Variants in SHF observed in about 807,000 individuals in gnomAD.
The protein encoded by SHF is Src homology 2 domain containing F.
A neutral mutation model predicts 42.4 loss-of-function variants in SHF; 30 were observed. The ratio of observed to expected loss-of-function variants is 0.71; its 90% confidence interval spans 0.53 to 0.96. SHF has a LOEUF of 0.96. Ranked by LOEUF, SHF falls within the 40% of genes least tolerant of loss-of-function variation. SHF has a pLI of 0.00. For missense variants in SHF, 598 were observed against 634.0 expected, an observed-to-expected ratio of 0.94 and a Z score of 0.61; for synonymous variants, 264 against 269.9, an observed-to-expected ratio of 0.98 and a Z score of 0.21.
chr15:45,177,852 C>A (rs141364666), intron 2 of SHF, among the ~76,000 whole-genome samples: 1 of 152,298 alleles, frequency 6.6e-6, no homozygotes, highest in East Asian at 1.9e-4. Flanking sequence ...ACTCATCCCC[C>A]CTCCCAAGGC....
intron 1 of SHF, among the ~76,000 whole-genome samples, chr15:45,182,366 T>C (rs1462583894): frequency 6.6e-6 from 1 of 152,240 alleles, no homozygotes; most frequent in East Asian, 1.9e-4. Context: ...AGAAAAAGGA[T>C]GGTAATAGTA....
chr15:45,171,691 C>G (rs1472013849), intron 6 of SHF, 192 bp downstream of exon 6: 3 of 629,442 alleles, frequency 4.8e-6, no homozygotes, highest in Non-Finnish European at 8.3e-6. Flanking sequence ...TGCTGCGGAT[C>G]AACTATTTCT....
chr15:45,177,028 C>G (rs1001061848), intron 2 of SHF, among the ~76,000 whole-genome samples: 1 of 152,160 alleles, frequency 6.6e-6, no homozygotes. Context: ...CTTGTGTTTC[C>G]AAGAGCTCCA....
chr15:45,171,728 G>C (rs1330086677), intron 6 of SHF, 155 bp downstream of exon 6: 1 of 731,536 alleles, frequency 1.4e-6, no homozygotes, highest in African/African-American at 1.8e-5. Context: ...CTCCTTGAGA[G>C]CAGGGGCTGA....
rs371638911 is a variant in SHF at position 45,197,690 on chromosome 15, T to C, written c.303+1082A>G. Among the ~76,000 whole-genome samples, 65 of 152,268 alleles carry C rather than the reference T, an allele frequency of 4.3e-4. No homozygotes were observed. In the East Asian group the frequency reaches 6.8e-3, roughly 16 times the overall value. On this transcript the variant is annotated intron_variant, in intron 2 of 7. Transcript: ENST00000290894. ...ATCTCCCCAGCCTGGAGTCAGGGCCTGGGTAAAAGAGGAACAGGACCAGAA... is the reference window on the plus strand; with the variant it reads ...ATCTCCCCAGCCTGGAGTCAGGGCCCGGGTAAAAGAGGAACAGGACCAGAA...
chr15:45,201,067 A>G lies in SHF; in HGVS notation c.-387T>C, dbSNP rs1455806004. On this transcript the variant is annotated 5_prime_UTR_variant, in exon 1 of 8. Transcript: ENST00000290894. ...GCGGGAGGAACCTGGTAGATAATGG[A>G]CGCTTAGGAAAGCTGGAATGGCCGC... The G allele has an allele frequency of 1.5e-5, 5 of 341,170 alleles. No individual in the cohort carries two copies. The Admixed American group carries it at 1.9e-4, about 13-fold the overall frequency. The allele number at this position is 341,170 out of a possible 1,614,324, so 21.1% of individuals were successfully genotyped here. A position where few individuals can be genotyped will look rare whatever the true frequency, so the allele number is the denominator to read the frequency against.
chr15:45,172,054 C>T (rs752533127), intron 5 of SHF, 52 bp from the exon 6 acceptor site: 1 of 1,613,870 alleles, frequency 6.2e-7, no homozygotes, highest in South Asian at 1.1e-5. Context: ...CCTCGCTGTC[C>T]AGGCCCACCC....
chr15:45,187,775 C>A lies in SHF; in HGVS notation c.177G>T (p.Gly59=). The A allele has an allele frequency of 2.3e-6, 2 of 862,292 alleles. No homozygotes were observed. Among genetic ancestry groups the A allele is most frequent in the Non-Finnish European group, 3.0e-6 (2 of 660,236 alleles). 53.4% of individuals were successfully genotyped at this position (862,292 alleles called of 1,614,324 possible). A position where few individuals can be genotyped will look rare whatever the true frequency, so the allele number is the denominator to read the frequency against. Residue 59 remains glycine (G), a synonymous_variant, in exon 1 of 7, where the codon GGG becomes GGT. Coordinates refer to ENST00000690270, the MANE Select transcript of SHF (RefSeq NM_001394037.1). ...TGCTGCCCCCTCCGCCGCCGCCCCC[C>A]CCGCGGAAGCCCAGGTGCTCCCGGA... ...KWLREHLGFR[G]GGGGGGGSKP...
chr15:45,182,398 G>A (rs1223965032), intron 1 of SHF, among the ~76,000 whole-genome samples: 1 of 152,238 alleles, frequency 6.6e-6, no homozygotes, highest in Admixed American at 6.5e-5. Flanking sequence ...GGGTTGGGAA[G>A]AGGAAAATGA....
intron 6 of SHF, among the ~76,000 whole-genome samples, chr15:45,169,036 A>C (rs1271757418): frequency 6.6e-6 from 1 of 152,174 alleles, no homozygotes; most frequent in Non-Finnish European, 1.5e-5. Context: ...AAGCACAGGC[A>C]AGGGGTGAGG....
chr15:45,191,206 A>G (rs1427318107), upstream of SHF, among the ~76,000 whole-genome samples: 1 of 152,108 alleles, frequency 6.6e-6, no homozygotes, highest in Non-Finnish European at 1.5e-5. Flanking sequence ...GATCCGCCTC[A>G]CCCAACTAAT....
At chr15:45,170,595 A>G (rs1327166342) in intron 6 of SHF, 1 of 395,262 alleles carries the variant, frequency 2.5e-6, no homozygotes, top group Non-Finnish European at 4.5e-6. Context: ...ATCCAAGAAT[A>G]GAACTCAGGT....
chr15:45,198,721 T>A, intron 2 of SHF: 1 of 1,564,752 alleles, frequency 6.4e-7, no homozygotes, highest in South Asian at 1.2e-5. Flanking sequence ...ATTATCCTCT[T>A]CAACAGTCAT....
exon 2 of SHF, chr15:45,199,019 T>G (rs766819582): frequency 3.1e-6 from 5 of 1,608,708 alleles, no homozygotes; most frequent in Non-Finnish European, 4.2e-6. Flanking sequence ...CCGCGAACCC[T>G]CCAGGGTTCC....
chr15:45,188,004 CG>C (rs1436059832), upstream of SHF: 4 of 103,574 alleles, frequency 3.9e-5, no homozygotes, highest in Non-Finnish European at 6.5e-5. Context: ...GGGGCGGGGG[CG>C]GGGGTGGGGA....
chr15:45,187,658 C>A lies in SHF; in HGVS notation c.294G>T (p.Arg98Ser). The change falls in exon 1 of 7, where the codon AGG becomes AGT. Residue 98 changes from arginine to serine, a missense_variant. Coordinates refer to ENST00000690270, the MANE Select transcript of SHF (RefSeq NM_001394037.1). Reference sequence around the variant, plus strand: ...CTTCGAAGTCGCGCTCCCGCTGCAGCCTGTAGGCGGCCAGGATGTCCGGGG... The same window carrying A: ...CTTCGAAGTCGCGCTCCCGCTGCAGACTGTAGGCGGCCAGGATGTCCGGGG... ...APPPDILAAY[R>S]LQRERDFEDP... 2.4e-6 allele frequency: 3 copies of A among 1,227,562 alleles called. No individual in the cohort carries two copies. The highest frequency in any genetic ancestry group is 3.0e-6 in the Non-Finnish European group (3 of 984,994). The allele number at this position is 1,227,562 out of a possible 1,614,324, so 76.0% of individuals were successfully genotyped here. A position where few individuals can be genotyped will look rare whatever the true frequency, so the allele number is the denominator to read the frequency against.
At chr15:45,198,017 C>T (rs1183887716) in intron 2 of SHF, among the ~76,000 whole-genome samples, 1 of 151,980 alleles carries the variant, frequency 6.6e-6, no homozygotes, top group Non-Finnish European at 1.5e-5. Context: ...AAGAGCTGTA[C>T]TTTTTACTAG....
At chr15:45,200,826 T>C in exon 1 of SHF, 1 of 456,286 alleles carries the variant, frequency 2.2e-6, no homozygotes, top group South Asian at 1.5e-5. Flanking sequence ...TCAGATAGCA[T>C]GATAGTCAGG....
chr15:45,200,104 G>T (rs1475501153), intron 1 of SHF: 1 of 151,246 alleles, frequency 6.6e-6, no homozygotes, highest in Non-Finnish European at 1.5e-5. Context: ...CACTTCCTTT[G>T]CTAAGCCTTC....
Sources: allele counts gnomAD v4.1 joint callset (sites outside exome capture counted in the v4.1 genomes callset), GRCh38; gene constraint gnomAD v4.1.1; transcripts MANE v1.5; gene names NCBI Gene and HGNC (gene_info 2026-07-23, HGNC 2026-07-21).